The following SYPL1 variants were observed in gnomAD, a reference collection of about 807,000 sequenced individuals.
SYPL1 encodes the protein synaptophysin like 1, also known as synaptophysin-like protein 1.
A neutral mutation model predicts 23.7 loss-of-function variants in SYPL1; 6 were observed. That is an observed-to-expected ratio of 0.25 (90% CI 0.14 to 0.50). The LOEUF (loss-of-function observed/expected upper bound fraction) is 0.50. Among genes scored for constraint, SYPL1 ranks in the 20% least tolerant of loss-of-function variants. The pLI is 0.98. For synonymous variants in SYPL1, 102 were observed against 104.5 expected, an observed-to-expected ratio of 0.98 and a Z score of 0.15; for missense variants, 253 against 288.9, an observed-to-expected ratio of 0.88 and a Z score of 0.90.
At chr7:106,106,731 G>A (rs1233283047) in intron 1 of SYPL1, among the ~76,000 whole-genome samples, 1 of 151,736 alleles carries the variant, frequency 6.6e-6, no homozygotes, top group African/African-American at 2.4e-5. Context: ...TGCAGTCCCA[G>A]CTACCCAGTA....
rs1465780858 is a variant in SYPL1 at position 106,090,903 on chromosome 7, A to G, written c.*902T>C. 6.6e-6 allele frequency: 1 copy of G among 152,242 alleles called. No individual in the cohort carries two copies. The highest frequency in any genetic ancestry group is 1.5e-5 in the Non-Finnish European group (1 of 68,014). The allele number at this position is 152,242 out of a possible 1,614,324, so 9.4% of individuals were successfully genotyped here. ...AGCAACTTCATTGACTCTCAATGGT[A>G]AATTTCAAACATGGAAAGCAATCTT... On this transcript the variant is annotated 3_prime_UTR_variant, in exon 5 of 5. Transcript: ENST00000455385.
In SYPL1 at chr7:106,091,795, C is replaced by T; in HGVS notation, c.*10G>A. ...AACATATACTTCATACAGTGTATTT[C>T]TCCCTTTAATTATATTCCGGTAGGA... On this transcript the variant is annotated 3_prime_UTR_variant, in exon 5 of 5. Transcript: ENST00000455385. This position sits in a 1 kb window ranked among gnomAD's most constrained non-coding sequence, Gnocchi z 5.0. 1 of 1,606,528 alleles carries T rather than the reference C, an allele frequency of 6.2e-7. No individual in the cohort carries two copies.
At chr7:106,103,502 C>G (rs1031962936) in intron 1 of SYPL1, among the ~76,000 whole-genome samples, 1 of 152,078 alleles carries the variant, frequency 6.6e-6, no homozygotes, top group African/African-American at 2.4e-5. Context: ...AGCTGCAGTA[C>G]CCAGTAATGC....
chr7:106,112,494 G>C (rs765816089), upstream of SYPL1: 7 of 1,524,358 alleles, frequency 4.6e-6, no homozygotes, highest in Middle Eastern at 5.2e-4. Flanking sequence ...CGAGTCGACT[G>C]ATCCGCTGGC....
intron 1 of SYPL1, among the ~76,000 whole-genome samples, chr7:106,102,798 TA>T (rs1840397351): frequency 6.6e-6 from 1 of 151,862 alleles, no homozygotes; most frequent in South Asian, 2.1e-4. Flanking sequence ...CAGCAATAGA[TA>T]ACTAATACAA....
At chr7:106,106,475 C>G (rs898390327) in intron 1 of SYPL1, among the ~76,000 whole-genome samples, 49 of 151,470 alleles carry the variant, frequency 3.2e-4, no homozygotes, top group African/African-American at 1.2e-3. Context: ...TTGCTTGAAC[C>G]TGGGAGGCGG....
At chr7:106,112,516 A>C (rs1790228721), upstream of SYPL1, 1 of 1,522,882 alleles carries the variant, frequency 6.6e-7, no homozygotes, top group South Asian at 1.3e-5. Flanking sequence ...AACCAAGTAG[A>C]TGTTGGGCGC....
At chr7:106,110,228 A>ACCCCCAATTACTTT (rs747547809) in intron 1 of SYPL1, among the ~76,000 whole-genome samples, 6 of 151,912 alleles carry the variant, frequency 3.9e-5, no homozygotes, top group Non-Finnish European at 5.9e-5. Context: ...ATTCCAACTA[A>ACCCCCAATTACTTT]CCCCCAATTA....
Position 106,091,042 on chromosome 7 carries a change from GAA to G in SYPL1, c.*761_*762del, listed in dbSNP as rs1224776593. On this transcript the variant is annotated 3_prime_UTR_variant, in exon 5 of 5. Transcript: ENST00000455385. The surrounding 1 kb of genome is among the most constrained non-coding windows in gnomAD (Gnocchi z 5.0). ...AAACAGCATGAGCAACAAAGGACAG[GAA>G]ACAAATATCACTAAGAGTAATGCCC... 1 of 152,126 alleles carries G rather than the reference GAA, an allele frequency of 6.6e-6. No individual in the cohort carries two copies. Among genetic ancestry groups the G allele is most frequent in the Non-Finnish European group, 1.5e-5 (1 of 68,028 alleles). 9.4% of individuals were successfully genotyped at this position (152,126 alleles called of 1,614,324 possible).
At chr7:106,112,504 C>A (rs866204607), upstream of SYPL1, 1 of 1,524,024 alleles carries the variant, frequency 6.6e-7, no homozygotes, top group Non-Finnish European at 8.8e-7. Context: ...GATCCGCTGG[C>A]GAACCAAGTA....
rs957889197 is a variant in SYPL1, at chr7:106,104,255, A to G, written c.70-4973T>C. ...TTGTGTAACTTGCTTTCTAAAAAAT[A>G]AAATGGGGCCGGGTGCAGTGGCTTA... On this transcript the variant is annotated intron_variant, in intron 1 of 4. Coordinates refer to ENST00000455385, the MANE Select transcript of SYPL1 (RefSeq NM_182715.4). This position sits in a 1 kb window ranked among gnomAD's most constrained non-coding sequence, Gnocchi z 4.1. Among the ~76,000 whole-genome samples the G allele has an allele frequency of 6.6e-6, 1 of 152,220 alleles. No homozygotes were observed. The highest frequency in any genetic ancestry group is 1.9e-4 in the East Asian group (1 of 5,202).
intron 1 of SYPL1, 95 bp downstream of exon 1, chr7:106,112,045 G>C (rs1790184794): frequency 8.4e-7 from 1 of 1,192,950 alleles, no homozygotes; most frequent in Non-Finnish European, 1.0e-6. Context: ...AAGCCCGCGC[G>C]GCAGGGCTGC....
chr7:106,092,869 T>C (rs561763119), intron 4 of SYPL1, 80 bp downstream of exon 4: 6 of 1,169,682 alleles, frequency 5.1e-6, no homozygotes, highest in Non-Finnish European at 7.0e-6. Flanking sequence ...AGAGATTTAC[T>C]GAAAGCTATT....
intron 4 of SYPL1, among the ~76,000 whole-genome samples, chr7:106,092,376 G>T (rs996125027): frequency 6.6e-5 from 10 of 152,244 alleles, no homozygotes; most frequent in Admixed American, 2.6e-4. Flanking sequence ...TAACCTCAAA[G>T]AAATTAATCT....
At position 106,104,678 on chromosome 7, in the gene SYPL1, T is replaced by C. The variant is rs1311840802; in HGVS notation, c.70-5396A>G. Among the ~76,000 whole-genome samples the C allele has an allele frequency of 6.6e-6, 1 of 152,224 alleles. No individual in the cohort carries two copies. Among genetic ancestry groups the C allele is most frequent in the Non-Finnish European group, 1.5e-5 (1 of 68,034 alleles). ...TACATAATTATTATTTTAAAGCTTT[T>C]TGTTATAAGGATAGATAAATATCAT... On this transcript the variant is annotated intron_variant, in intron 1 of 4. Transcript: ENST00000455385. This position sits in a 1 kb window ranked among gnomAD's most constrained non-coding sequence, Gnocchi z 4.1.
chr7:106,101,115 T>C (rs1480622678), intron 1 of SYPL1, among the ~76,000 whole-genome samples: 1 of 152,096 alleles, frequency 6.6e-6, no homozygotes, highest in Non-Finnish European at 1.5e-5. Context: ...CACCACACTA[T>C]ATCAAATAAC....
At chr7:106,092,687 A>AAG (rs1554542409) in intron 4 of SYPL1, 46 of 513,642 alleles carry the variant, frequency 9.0e-5, no homozygotes, top group African/African-American at 7.0e-4. Context: ...AAAAAAAAAA[A>AAG]AAAAGAAATT....
chr7:106,091,935 A>C lies in SYPL1; in HGVS notation c.596T>G (p.Phe199Cys). The C allele has an allele frequency of 6.2e-7, 1 of 1,601,126 alleles. No individual in the cohort carries two copies. Among genetic ancestry groups the C allele is most frequent in the African/African-American group, 1.3e-5 (1 of 74,330 alleles). ...SMGSLNVSVI[F>C]GFLNMILWGG... ...CCAGAGTATCATATTTAGAAAGCCA[A>C]ATATCTATGAAAGAGAAAAAGAAAT... Residue 199 changes from phenylalanine (F) to cysteine (C), a missense_variant, in exon 5 of 5, where the codon TTT becomes TGT. By Grantham distance (205) the Phe-to-Cys change is radical. Transcript: ENST00000455385. This position sits in a 1 kb window ranked among gnomAD's most constrained non-coding sequence, Gnocchi z 5.0.
intron 4 of SYPL1, 128 bp from the exon 5 acceptor site, chr7:106,092,067 G>C: frequency 1.2e-6 from 1 of 852,300 alleles, no homozygotes; most frequent in South Asian, 1.9e-5. Flanking sequence ...TTCACTTAAA[G>C]TTTAATACTA....
Sources: gnomAD v4.1 joint callset for allele counts (sites outside exome capture counted in the v4.1 genomes callset) on GRCh38, gnomAD v4.1.1 for gene constraint, Gnocchi (gnomAD v3.1) non-coding constraint, MANE v1.5 for transcripts, NCBI Gene and HGNC (gene_info 2026-07-23, HGNC 2026-07-21) for gene names.